ADCY1: variants seen among roughly 807,000 people sequenced by gnomAD.
The protein encoded by ADCY1 is adenylate cyclase type 1.
In ADCY1, 28 loss-of-function variants were observed where a neutral mutation model predicts 105.4. That is an observed-to-expected ratio of 0.27 (90% CI 0.20 to 0.36). The LOEUF (loss-of-function observed/expected upper bound fraction) is 0.36, where lower values mean the gene tolerates loss of function less well. Among genes scored for constraint, ADCY1 ranks in the 10% least tolerant of loss-of-function variants. ADCY1 has a pLI of 1.00. For synonymous variants in ADCY1, 655 were observed against 623.8 expected (o/e 1.05, Z -0.75); for missense variants, 977 against 1,434.2 (o/e 0.68, Z 5.15).
intron 16 of ADCY1, 65 bp from the exon 17 acceptor site, chr7:45,704,453 T>A: frequency 6.9e-7 from 1 of 1,444,240 alleles, no homozygotes; most frequent in Non-Finnish European, 9.7e-7. Context: ...TCCTGGGGGC[T>A]GACGGCTGCA....
intron 7 of ADCY1, 130 bp from the exon 8 acceptor site, chr7:45,661,929 A>T (rs1795117485): frequency 1.7e-6 from 2 of 1,145,400 alleles, no homozygotes; most frequent in Non-Finnish European, 2.5e-6. Flanking sequence ...GCCTGGCTTG[A>T]AGTAGGCGCT....
chr7:45,608,109 T>G (rs1232783605), intron 2 of ADCY1, among the ~76,000 whole-genome samples: 1 of 152,228 alleles, frequency 6.6e-6, no homozygotes, highest in African/African-American at 2.4e-5. Context: ...CACCAGCATC[T>G]GTTGTTTTTT....
chr7:45,675,002 T>A (rs1784428891), intron 8 of ADCY1, among the ~76,000 whole-genome samples: 1 of 152,190 alleles, frequency 6.6e-6, no homozygotes, highest in African/African-American at 2.4e-5. Flanking sequence ...TATTACAGCC[T>A]CTTTTAATTG....
In ADCY1 at chr7:45,703,463, C is replaced by T; in HGVS notation, c.2542C>T (p.His848Tyr). The change falls in exon 15 of 20, where the codon CAC becomes TAC. Residue 848 changes from histidine to tyrosine, a missense_variant. Coordinates refer to ENST00000297323, the MANE Select transcript of ADCY1 (RefSeq NM_021116.4). This position sits in a 1 kb window ranked among gnomAD's most constrained non-coding sequence, Gnocchi z 5.9. Reference sequence around the variant, plus strand: ...CCTCCTGCCGGCCCACGTCGCCCAGCACTTCCTCATGTCCAACCCTCGGAA... The same window carrying T: ...CCTCCTGCCGGCCCACGTCGCCCAGTACTTCCTCATGTCCAACCCTCGGAA... ...FNLLPAHVAQ[H>Y]FLMSNPRNMD... 1 of 1,614,160 alleles carries T rather than the reference C, an allele frequency of 6.2e-7. No homozygotes were observed. Among genetic ancestry groups the T allele is most frequent in the Non-Finnish European group, 8.5e-7 (1 of 1,180,010 alleles).
intron 4 of ADCY1, among the ~76,000 whole-genome samples, chr7:45,642,640 C>CTG (rs1794556151): frequency 6.6e-6 from 1 of 152,156 alleles, no homozygotes; most frequent in South Asian, 2.1e-4. Context: ...CCCTGGGTGG[C>CTG]TGTGCACTTC....
chr7:45,622,083 T>A (rs1026904974), intron 3 of ADCY1, among the ~76,000 whole-genome samples: 7 of 152,164 alleles, frequency 4.6e-5, no homozygotes, highest in African/African-American at 1.7e-4. Flanking sequence ...TGCAAGACAG[T>A]GTGTTTCCTG....
intron 1 of ADCY1, among the ~76,000 whole-genome samples, chr7:45,592,093 CA>C (rs1258626982): frequency 2.0e-5 from 3 of 151,294 alleles, no homozygotes; most frequent in Non-Finnish European, 4.4e-5. Context: ...TGAATCTTTC[CA>C]GAGGAGTTTG....
Position 45,665,522 on chromosome 7 carries a change from C to T in ADCY1, c.1605+3308C>T, listed in dbSNP as rs888735048. 3.3e-5 allele frequency among the ~76,000 whole-genome samples: 5 copies of T among 152,230 alleles called. No homozygotes were observed. The East Asian group carries it at 5.8e-4, about 18-fold the overall frequency. On this transcript the variant is annotated intron_variant, in intron 8 of 19. Transcript: ENST00000297323. ...TCAGTCTCTCTCTCTTTTTATTGAG[C>T]GCTTCTTTTGTTCTTCTCTTCACAC...
intron 3 of ADCY1, among the ~76,000 whole-genome samples, chr7:45,621,115 G>A (rs916898262): frequency 6.6e-6 from 1 of 152,114 alleles, no homozygotes; most frequent in African/African-American, 2.4e-5. Context: ...CTCCCAGGCT[G>A]GAGTGCAGTG....
intron 3 of ADCY1, among the ~76,000 whole-genome samples, chr7:45,617,037 T>A (rs893741348): frequency 6.6e-6 from 1 of 152,188 alleles, no homozygotes; most frequent in Non-Finnish European, 1.5e-5. Context: ...CAGGAACTGC[T>A]CCAGGGAGGG....
At chr7:45,612,845 A>G (rs570656223) in intron 3 of ADCY1, among the ~76,000 whole-genome samples, 3 of 152,288 alleles carry the variant, frequency 2.0e-5, no homozygotes, top group Non-Finnish European at 4.4e-5. Context: ...GATAGATACC[A>G]TAACTTCCCC....
chr7:45,615,523 C>T (rs894511229), intron 3 of ADCY1, among the ~76,000 whole-genome samples: 15 of 152,130 alleles, frequency 9.9e-5, no homozygotes, highest in Non-Finnish European at 5.9e-5. Flanking sequence ...TGCTTGTGCC[C>T]AGGAGGTTGA....
intron 5 of ADCY1, among the ~76,000 whole-genome samples, chr7:45,657,499 G>A (rs1196209904): frequency 6.6e-6 from 1 of 152,232 alleles, no homozygotes; most frequent in Non-Finnish European, 1.5e-5. Flanking sequence ...CGAGCTGGCT[G>A]GGAGCATGGG....
At chr7:45,582,812 C>T (rs1792600445) in intron 1 of ADCY1, among the ~76,000 whole-genome samples, 1 of 152,216 alleles carries the variant, frequency 6.6e-6, no homozygotes, top group Non-Finnish European at 1.5e-5. Flanking sequence ...GAGATGCCAG[C>T]CCCAGGAAGG....
rs1794018718 is a variant in ADCY1 at position 45,625,235 on chromosome 7, C to T, written c.1020+2492C>T. The stretch of plus-strand genomic sequence containing the variant: ...GCCTGTTTCGAGGCATCGTCACATG[C>T]TCTGTCATCTCATGTTTCCATGTTC... On this transcript the variant is annotated intron_variant, in intron 4 of 19. Coordinates refer to ENST00000297323, the MANE Select transcript of ADCY1 (RefSeq NM_021116.4). Among the ~76,000 whole-genome samples, 4 of 152,208 alleles carry T rather than the reference C, an allele frequency of 2.6e-5. No homozygotes were observed. The South Asian group carries it at 8.3e-4, about 31-fold the overall frequency.
chr7:45,620,429 G>A (rs1198751456), intron 3 of ADCY1, among the ~76,000 whole-genome samples: 1 of 152,070 alleles, frequency 6.6e-6, no homozygotes, highest in Non-Finnish European at 1.5e-5. Flanking sequence ...GAGTGTCAGG[G>A]ACTTAAGGGA....
chr7:45,691,775 G>A (rs966104990), intron 14 of ADCY1, among the ~76,000 whole-genome samples: 1 of 152,182 alleles, frequency 6.6e-6, no homozygotes, highest in African/African-American at 2.4e-5. Flanking sequence ...CATTTAGAGG[G>A]AAGGTTTCCT....
In ADCY1 at chr7:45,574,580, G is replaced by A; in HGVS notation, c.37G>A (p.Gly13Ser). 3 of 1,008,670 alleles carry A rather than the reference G, an allele frequency of 3.0e-6. No homozygotes were observed. Among genetic ancestry groups the A allele is most frequent in the Non-Finnish European group, 3.5e-6 (3 of 847,366 alleles). The allele number at this position is 1,008,670 out of a possible 1,614,324, so 62.5% of individuals were successfully genotyped here. Reference protein sequence around the residue: ...GAPRGGGGGGGGAGEPGGAER... With the variant: ...GAPRGGGGGGSGAGEPGGAER... ...GCCGCGCGGCGGAGGCGGCGGCGGA[G>A]GCGGCGCGGGCGAGCCCGGGGGCGC... Residue 13 changes from glycine (G) to serine (S), a missense_variant, in exon 1 of 20, where the codon GGC becomes AGC. By Grantham distance (56) the Gly-to-Ser change is moderately conservative (BLOSUM62 0). Coordinates refer to ENST00000297323, the MANE Select transcript of ADCY1 (RefSeq NM_021116.4). The surrounding 1 kb of genome is among the most constrained non-coding windows in gnomAD (Gnocchi z 7.0).
chr7:45,694,730 A>G (rs1371748767), intron 14 of ADCY1, among the ~76,000 whole-genome samples: 3 of 152,246 alleles, frequency 2.0e-5, no homozygotes, highest in Admixed American at 2.0e-4. Flanking sequence ...TGTTAGGAAG[A>G]ACCAGAGGAG....
Sources: gnomAD v4.1 joint callset for allele counts (sites outside exome capture counted in the v4.1 genomes callset) on GRCh38, gnomAD v4.1.1 for gene constraint, Gnocchi (gnomAD v3.1) non-coding constraint, MANE v1.5 for transcripts, NCBI Gene and HGNC (gene_info 2026-07-23, HGNC 2026-07-21) for gene names.